The following RAD21L1 variants were observed in gnomAD, a reference collection of about 807,000 sequenced individuals.
RAD21L1 encodes the protein double-strand-break repair protein rad21-like protein 1.
A neutral mutation model predicts 69.0 loss-of-function variants in RAD21L1; 47 were observed. That is an observed-to-expected ratio of 0.68 (90% CI 0.54 to 0.87). The LOEUF (loss-of-function observed/expected upper bound fraction) is 0.87. Ranked by LOEUF, RAD21L1 falls within the 40% of genes least tolerant of loss-of-function variation. RAD21L1 has a pLI of 0.00. For synonymous variants in RAD21L1, 177 were observed against 205.8 expected, an observed-to-expected ratio of 0.86 and a Z score of 1.20; for missense variants, 583 against 647.6, an observed-to-expected ratio of 0.90 and a Z score of 1.08.
chr20:1,252,666 T>G (rs2087858797), intron 13 of RAD21L1, among the ~76,000 whole-genome samples: 1 of 152,210 alleles, frequency 6.6e-6, no homozygotes, highest in Non-Finnish European at 1.5e-5. Flanking sequence ...TCTCCGCTAC[T>G]GTTCCTAAGT....
At position 1,246,454 on chromosome 20, in the gene RAD21L1, G is replaced by T. The variant is rs1298013538; in HGVS notation, c.1401+149G>T. ...TTGTGATTACAACAGAGATGTTTGT[G>T]AATAGTTTGATAAAATATTCTGAAT... On this transcript the variant is annotated intron_variant, in intron 12 of 13. Transcript: ENST00000683101. This position sits in a 1 kb window ranked among gnomAD's most constrained non-coding sequence, Gnocchi z 4.6. The T allele has an allele frequency of 7.4e-6, 3 of 402,844 alleles. No individual in the cohort carries two copies. The allele number at this position is 402,844 out of a possible 1,614,324, so 25.0% of individuals were successfully genotyped here.
rs1213501061 is a variant in RAD21L1, at chr20:1,229,951, A to G, written c.216A>G (p.Lys72=). 6.4e-7 allele frequency: 1 copy of G among 1,551,204 alleles called. No homozygotes were observed. Among genetic ancestry groups the G allele is most frequent in the Admixed American group, 2.0e-5 (1 of 51,008 alleles). The part of the protein sequence containing the change: ...GVVRIYNRKA[K]YLLADCSEAF... The stretch of plus-strand genomic sequence containing the variant: ...TTCGAATCTATAACAGGAAGGCAAA[A>G]TATCTTTTGGCAGATTGCAGTGAAG... The change falls in exon 3 of 14, where the codon AAA becomes AAG. Residue 72 remains lysine, a synonymous_variant. Transcript: ENST00000683101.
intron 13 of RAD21L1, among the ~76,000 whole-genome samples, chr20:1,251,663 T>C (rs1009826600): frequency 3.3e-5 from 5 of 152,014 alleles, no homozygotes; most frequent in African/African-American, 1.2e-4. Flanking sequence ...TTATCCTCTA[T>C]ATTAATTTCT....
At chr20:1,235,806 C>G (rs2122798481) in intron 5 of RAD21L1, among the ~76,000 whole-genome samples, 1 of 151,522 alleles carries the variant, frequency 6.6e-6, no homozygotes, top group African/African-American at 2.4e-5. Context: ...CTTGTTCTGT[C>G]ACCCAGGCTG....
intron 13 of RAD21L1, among the ~76,000 whole-genome samples, chr20:1,252,886 C>G (rs1480783008): frequency 6.6e-6 from 1 of 152,196 alleles, no homozygotes; most frequent in Admixed American, 6.5e-5. Context: ...GTCTTTATCT[C>G]CTTCGTCACT....
chr20:1,235,646 TA>T (rs2087478880), intron 5 of RAD21L1, among the ~76,000 whole-genome samples: 1 of 152,162 alleles, frequency 6.6e-6, no homozygotes, highest in African/African-American at 2.4e-5. Flanking sequence ...ACTGATCTCT[TA>T]CTGGCTATAA....
At chr20:1,226,545 C>T (rs13038444) in intron 1 of RAD21L1, 2 of 152,636 alleles carry the variant, frequency 1.3e-5, no homozygotes, top group East Asian at 1.9e-4. Flanking sequence ...CCCTGCCCGG[C>T]TCAGCCCTCT....
chr20:1,234,275 G>A, intron 5 of RAD21L1, 84 bp downstream of exon 5: 1 of 674,546 alleles, frequency 1.5e-6, no homozygotes, highest in Non-Finnish European at 2.6e-6. Context: ...AGTAGACGTA[G>A]CTATAGAATG....
In RAD21L1 at chr20:1,231,894, CT is replaced by C. The variant is rs1301959590; in HGVS notation, c.368+276del. ...CATATGCCGGAAACTGTTCTAGGCA[CT>C]GAGGAGATAGCAGTGAATTAAACAT... On this transcript the variant is annotated intron_variant, in intron 4 of 13. Coordinates refer to ENST00000683101, the MANE Select transcript of RAD21L1 (RefSeq NM_001384355.1). Among the ~76,000 whole-genome samples, 3 of 152,166 alleles carry C rather than the reference CT, an allele frequency of 2.0e-5. No homozygotes were observed. In the East Asian group the frequency reaches 5.8e-4, roughly 29 times the overall value.
At chr20:1,248,232 G>A (rs772327145) in intron 12 of RAD21L1, among the ~76,000 whole-genome samples, 66 of 151,914 alleles carry the variant, frequency 4.3e-4, no homozygotes, top group Non-Finnish European at 6.9e-4. Context: ...GCCTTTACAA[G>A]ACAGAAATAG....
chr20:1,248,830 A>G (rs1428343864), intron 13 of RAD21L1, 127 bp downstream of exon 13: 2 of 526,716 alleles, frequency 3.8e-6, no homozygotes, highest in Non-Finnish European at 6.6e-6. Context: ...ATCCCACTAG[A>G]GTGCAATGAT....
chr20:1,234,737 C>T (rs1055601776), intron 5 of RAD21L1, among the ~76,000 whole-genome samples: 1 of 151,976 alleles, frequency 6.6e-6, no homozygotes, highest in East Asian at 1.9e-4. Context: ...TTGGGCAAGG[C>T]GATTGTACTT....
intron 7 of RAD21L1, 66 bp from the exon 8 acceptor site, chr20:1,240,255 T>C (rs2087579126): frequency 1.4e-6 from 2 of 1,447,422 alleles, no homozygotes; most frequent in African/African-American, 1.5e-5. Flanking sequence ...TTAATTCTCA[T>C]ACAGTCCTCT....
chr20:1,248,715 G>A lies in RAD21L1; in HGVS notation c.1479+12G>A. ...TAAATCGTTTACGGGTGAGATGCTA[G>A]GGTTTGTCAACCCTGTTTTTATTTT... On this transcript the variant is annotated intron_variant, in intron 13 of 13. Transcript: ENST00000683101. 1 of 1,450,952 alleles carries A rather than the reference G, an allele frequency of 6.9e-7. No individual in the cohort carries two copies. Among genetic ancestry groups the A allele is most frequent in the Non-Finnish European group, 9.3e-7 (1 of 1,070,702 alleles). 89.9% of individuals were successfully genotyped at this position (1,450,952 alleles called of 1,614,324 possible).
intron 5 of RAD21L1, among the ~76,000 whole-genome samples, chr20:1,237,215 C>T (rs1341658683): frequency 6.6e-6 from 1 of 152,102 alleles, no homozygotes; most frequent in Non-Finnish European, 1.5e-5. Flanking sequence ...GACTCCTGGA[C>T]CTAGAGATTC....
chr20:1,246,500 T>C lies in RAD21L1; in HGVS notation c.1401+195T>C, dbSNP rs189902116. Reference sequence around the variant, plus strand: ...TGAATTGCTCTGATTTTTTTGTCTTTCTTTAATTTCTTTTGAAACTTCAAA... The same window carrying C: ...TGAATTGCTCTGATTTTTTTGTCTTCCTTTAATTTCTTTTGAAACTTCAAA... On this transcript the variant is annotated intron_variant, in intron 12 of 13. Transcript: ENST00000683101. This position sits in a 1 kb window ranked among gnomAD's most constrained non-coding sequence, Gnocchi z 4.6. Among the ~76,000 whole-genome samples, 372 of 152,330 alleles carry C rather than the reference T, an allele frequency of 2.4e-3. No individual in the cohort carries two copies. The highest frequency in any genetic ancestry group is 0.01 in the Middle Eastern group (3 of 294).
chr20:1,233,002 A>G (rs1210884872), intron 4 of RAD21L1, among the ~76,000 whole-genome samples: 1 of 152,196 alleles, frequency 6.6e-6, no homozygotes. Flanking sequence ...CACAGCAAAA[A>G]GACACCATCT....
At position 1,246,211 on chromosome 20, in the gene RAD21L1, A is replaced by C. The variant is rs1304948185; in HGVS notation, c.1309-2A>C. 3.3e-6 allele frequency: 5 copies of C among 1,520,250 alleles called. No individual in the cohort carries two copies. The highest frequency in any genetic ancestry group is 2.2e-5 in the Admixed American group (1 of 45,024). 94.2% of individuals were successfully genotyped at this position (1,520,250 alleles called of 1,614,324 possible). A position where few individuals can be genotyped will look rare whatever the true frequency, so the allele number is the denominator to read the frequency against. ...CTAACTTTCCCTAATTTGCTTCAGC[A>C]GGATATTGTTGAAATGGTGTCTTTA... On this transcript the variant is annotated splice_acceptor_variant, in intron 11 of 13. Coordinates refer to ENST00000683101, the MANE Select transcript of RAD21L1 (RefSeq NM_001384355.1). LOFTEE classifies it high-confidence loss of function. This position sits in a 1 kb window ranked among gnomAD's most constrained non-coding sequence, Gnocchi z 4.6.
chr20:1,253,150 A>G (rs1348699876), intron 13 of RAD21L1, among the ~76,000 whole-genome samples: 4 of 152,242 alleles, frequency 2.6e-5, no homozygotes, highest in African/African-American at 7.2e-5. Flanking sequence ...TGGTTAAGAT[A>G]AAGTATGACA....
Sources: gnomAD v4.1 joint callset for allele counts (sites outside exome capture counted in the v4.1 genomes callset) on GRCh38, gnomAD v4.1.1 for gene constraint, Gnocchi (gnomAD v3.1) non-coding constraint, MANE v1.5 for transcripts, NCBI Gene and HGNC (gene_info 2026-07-23, HGNC 2026-07-21) for gene names.